VAT1L: variants seen among roughly 807,000 people sequenced by gnomAD.
VAT1L encodes the protein putative NADPH-dependent quinone oxidoreductase VAT1L.
In VAT1L, 34 loss-of-function variants were observed where a neutral mutation model predicts 44.1. The ratio of observed to expected loss-of-function variants is 0.77; its 90% CI spans 0.59 to 1.03. The LOEUF is 1.03. VAT1L is among the 50% of genes least tolerant of loss of function. The pLI is 0.00. For synonymous variants in VAT1L, 253 were observed against 202.2 expected, an observed-to-expected ratio of 1.25 and a Z score of -2.13; for missense variants, 615 against 538.8, an observed-to-expected ratio of 1.14 and a Z score of -1.40.
chr16:77,808,539 G>A (rs1039969760), intron 1 of VAT1L, among the ~76,000 whole-genome samples: 2 of 152,092 alleles, frequency 1.3e-5, no homozygotes, highest in African/African-American at 4.8e-5. Flanking sequence ...AAAGGTTTGG[G>A]ACCGTTGCTC....
intron 3 of VAT1L, among the ~76,000 whole-genome samples, chr16:77,849,688 A>G (rs1203079956): frequency 6.6e-6 from 1 of 152,192 alleles, no homozygotes; most frequent in Non-Finnish European, 1.5e-5. Flanking sequence ...AAATGAATAG[A>G]ACTAAACATC....
chr16:77,909,512 C>T (rs2142483839), intron 7 of VAT1L, among the ~76,000 whole-genome samples: 1 of 152,088 alleles, frequency 6.6e-6, no homozygotes, highest in African/African-American at 2.4e-5. Flanking sequence ...TGGTGTGTGC[C>T]TCTAATCCCA....
intron 1 of VAT1L, among the ~76,000 whole-genome samples, chr16:77,795,286 G>A (rs926222754): frequency 4.1e-5 from 6 of 147,464 alleles, no homozygotes; most frequent in Admixed American, 2.7e-4. Context: ...GTGGGGGCGG[G>A]GGGAAAGATT....
chr16:77,892,998 A>G, intron 7 of VAT1L: 2 of 651,630 alleles, frequency 3.1e-6, no homozygotes, highest in South Asian at 3.3e-5. Flanking sequence ...ATTTGCTCGC[A>G]GTATCCTATC....
chr16:77,905,250 A>G (rs1247077573), intron 7 of VAT1L, among the ~76,000 whole-genome samples: 1 of 152,236 alleles, frequency 6.6e-6, no homozygotes, highest in African/African-American at 2.4e-5. Flanking sequence ...AAATGAAAAC[A>G]TTACGTTTGT....
In VAT1L at chr16:77,913,465, A is replaced by T. The variant is rs559576729; in HGVS notation, c.1077+28663A>T. Among the ~76,000 whole-genome samples, 106 of 149,498 alleles carry T rather than the reference A, an allele frequency of 7.1e-4. 1 individual carries two copies. The highest frequency in any genetic ancestry group is 1.4e-3 in the Non-Finnish European group (91 of 67,392). On this transcript the variant is annotated intron_variant, in intron 7 of 8. Transcript: ENST00000302536. ...TCAACAGGGACCCCCCTCCCCCAAC[A>T]AAGTTAAATCCAGTGATCAGCTCTC...
intron 7 of VAT1L, among the ~76,000 whole-genome samples, chr16:77,925,187 A>G (rs1386330382): frequency 6.6e-6 from 1 of 152,054 alleles, no homozygotes; most frequent in Non-Finnish European, 1.5e-5. Context: ...AGTGTACACA[A>G]TTTAAGGAGG....
chr16:77,949,169 C>G (rs531499764), intron 7 of VAT1L, among the ~76,000 whole-genome samples: 2 of 152,034 alleles, frequency 1.3e-5, no homozygotes, highest in Non-Finnish European at 2.9e-5. Flanking sequence ...GATGAGACCT[C>G]GAATGATGCA....
intron 7 of VAT1L, among the ~76,000 whole-genome samples, chr16:77,914,863 C>T (rs943018728): frequency 1.3e-5 from 2 of 152,206 alleles, no homozygotes; most frequent in Admixed American, 6.5e-5. Flanking sequence ...CGGTGGTTCA[C>T]GCCTGTAATC....
intron 4 of VAT1L, among the ~76,000 whole-genome samples, chr16:77,865,935 C>T (rs1054895681): frequency 2.0e-5 from 3 of 152,192 alleles, no homozygotes; most frequent in African/African-American, 7.2e-5. Flanking sequence ...CCTAGATCTA[C>T]TCTCTTAGCC....
At chr16:77,815,112 A>C (rs1185499061) in intron 1 of VAT1L, among the ~76,000 whole-genome samples, 1 of 152,218 alleles carries the variant, frequency 6.6e-6, no homozygotes, top group East Asian at 1.9e-4. Context: ...TTTGTACCCC[A>C]GTCTCCCCAA....
At chr16:77,944,054 G>A (rs142531277) in intron 7 of VAT1L, among the ~76,000 whole-genome samples, 10 of 152,218 alleles carry the variant, frequency 6.6e-5, no homozygotes, top group East Asian at 1.9e-4. Context: ...GAGCAGTTTC[G>A]TCCTTTGAGG....
At chr16:77,825,029 G>T (rs2016502459) in intron 2 of VAT1L, among the ~76,000 whole-genome samples, 1 of 151,716 alleles carries the variant, frequency 6.6e-6, no homozygotes, top group South Asian at 2.1e-4. Context: ...ATCACGCCTG[G>T]TGAATTTTTG....
At chr16:77,816,899 C>T in intron 1 of VAT1L, 22 bp from the exon 2 acceptor site, 1 of 1,574,850 alleles carries the variant, frequency 6.3e-7, no homozygotes, top group East Asian at 2.3e-5. Context: ...AATTTCTCTC[C>T]TTTCACATTT....
At chr16:77,953,558 T>C (rs2018068869) in intron 7 of VAT1L, among the ~76,000 whole-genome samples, 1 of 152,198 alleles carries the variant, frequency 6.6e-6, no homozygotes, top group Non-Finnish European at 1.5e-5. Flanking sequence ...TTTGTTTTTT[T>C]GATAAAGGGT....
In VAT1L at chr16:77,881,023, T is replaced by C. The variant is rs544908786; in HGVS notation, c.882+1799T>C. Among the ~76,000 whole-genome samples the C allele has an allele frequency of 5.9e-5, 9 of 152,328 alleles. 1 individual carries two copies. In the East Asian group the frequency reaches 1.5e-3, roughly 26 times the overall value. ...TTGATGGGCACCTAGGTTGATTCCATGTGTTTGCTATTGTGAATAGAATGG... is the reference window on the plus strand; with the variant it reads ...TTGATGGGCACCTAGGTTGATTCCACGTGTTTGCTATTGTGAATAGAATGG... On this transcript the variant is annotated intron_variant, in intron 6 of 8. Transcript: ENST00000302536.
intron 7 of VAT1L, among the ~76,000 whole-genome samples, chr16:77,889,381 T>C (rs1332274721): frequency 1.3e-5 from 2 of 152,174 alleles, no homozygotes; most frequent in Non-Finnish European, 2.9e-5. Flanking sequence ...TACGTTAAGT[T>C]GGAAGAAAGT....
chr16:77,821,860 G>C (rs971417417), intron 2 of VAT1L, among the ~76,000 whole-genome samples: 1 of 152,116 alleles, frequency 6.6e-6, no homozygotes, highest in African/African-American at 2.4e-5. Flanking sequence ...GAAAGTTTTG[G>C]AGAAAAGAAC....
At chr16:77,934,212 G>A (rs1372873036) in intron 7 of VAT1L, among the ~76,000 whole-genome samples, 5 of 152,042 alleles carry the variant, frequency 3.3e-5, no homozygotes, top group East Asian at 3.9e-4. Flanking sequence ...CAGATTGGAC[G>A]TAAAGATTGA....
Sources: gnomAD v4.1 joint callset for allele counts (sites outside exome capture counted in the v4.1 genomes callset) on GRCh38, gnomAD v4.1.1 for gene constraint, MANE v1.5 for transcripts, NCBI Gene and HGNC (gene_info 2026-07-23, HGNC 2026-07-21) for gene names.